TMEM245: variants seen among roughly 807,000 people sequenced by gnomAD.
The protein encoded by TMEM245 is transmembrane protein 245, also known as protein CG-2.
TMEM245 carries 69 observed loss-of-function variants against 101.2 expected under a neutral mutation model. The observed-to-expected ratio is 0.68, with a 90% CI of 0.56 to 0.83. TMEM245 has a LOEUF of 0.83. Ranked by LOEUF, TMEM245 falls within the 40% of genes least tolerant of loss-of-function variation. TMEM245 has a pLI of 0.00. For missense variants in TMEM245, 1,075 were observed against 1,092.8 expected (o/e 0.98, Z 0.23); for synonymous variants, 537 against 449.8 (o/e 1.19, Z -2.45).
chr9:109,092,385 G>T (rs1433059396), intron 4 of TMEM245, among the ~76,000 whole-genome samples: 1 of 152,182 alleles, frequency 6.6e-6, no homozygotes, highest in Non-Finnish European at 1.5e-5. Flanking sequence ...GAGATCACTT[G>T]CACCCTGGTA....
intron 9 of TMEM245, among the ~76,000 whole-genome samples, chr9:109,072,976 T>C (rs1448650715): frequency 6.6e-6 from 1 of 152,236 alleles, no homozygotes; most frequent in East Asian, 1.9e-4. Context: ...GCGGAATTAT[T>C]ATCTCAAGTT....
At chr9:109,041,824 T>G (rs1268217723) in intron 14 of TMEM245, among the ~76,000 whole-genome samples, 1 of 152,050 alleles carries the variant, frequency 6.6e-6, no homozygotes. Context: ...TATAAATATA[T>G]AGCATTCATT....
At position 109,015,786 on chromosome 9, in the gene TMEM245, A is replaced by AG. The variant is rs1827423472; in HGVS notation, c.*4673_*4674insC. On this transcript the variant is annotated 3_prime_UTR_variant, in exon 18 of 18. Transcript: ENST00000374586. ...ATTGTCTGTCTCACAGGGCTGTTAC[A>AG]AAAGGTGTCTGAAAACTATAAAGTG... 1 of 152,506 alleles carries AG rather than the reference A, an allele frequency of 6.6e-6. No individual in the cohort carries two copies. Among genetic ancestry groups the AG allele is most frequent in the Non-Finnish European group, 1.5e-5 (1 of 68,032 alleles). The allele number at this position is 152,506 out of a possible 1,614,324, so 9.4% of individuals were successfully genotyped here.
At chr9:109,059,942 T>A (rs1469788270) in intron 11 of TMEM245, among the ~76,000 whole-genome samples, 1 of 151,962 alleles carries the variant, frequency 6.6e-6, no homozygotes. Context: ...CTTATTAAAT[T>A]TTTTCTAATG....
intron 3 of TMEM245, among the ~76,000 whole-genome samples, chr9:109,104,804 T>C (rs1439686464): frequency 2.0e-5 from 3 of 152,292 alleles, no homozygotes; most frequent in East Asian, 3.9e-4. Flanking sequence ...GAACTGAATA[T>C]ACACAGGCAA....
intron 11 of TMEM245, 109 bp from the exon 12 acceptor site, chr9:109,057,431 C>G: frequency 7.8e-7 from 1 of 1,274,594 alleles, no homozygotes; most frequent in South Asian, 1.5e-5. Flanking sequence ...AGTAAGTACT[C>G]CAAGGAAAAG....
chr9:109,058,088 C>T (rs1828898829), intron 11 of TMEM245, among the ~76,000 whole-genome samples: 1 of 151,142 alleles, frequency 6.6e-6, no homozygotes, highest in African/African-American at 2.4e-5. Context: ...GCAAACTCCG[C>T]CTCCCAGGTT....
intron 11 of TMEM245, 68 bp downstream of exon 11, chr9:109,060,286 T>A: frequency 8.9e-7 from 1 of 1,117,730 alleles, no homozygotes; most frequent in East Asian, 2.4e-5. Flanking sequence ...TATAATCCTA[T>A]CTAGTTGATG....
At chr9:109,074,218 A>C (rs1588053401) in intron 8 of TMEM245, among the ~76,000 whole-genome samples, 3 of 152,216 alleles carry the variant, frequency 2.0e-5, no homozygotes, top group African/African-American at 7.2e-5. Context: ...CTCTGAATTT[A>C]CCTTGCCCAA....
At chr9:109,108,315 A>G (rs1189598514) in intron 2 of TMEM245, 138 bp downstream of exon 2, 1 of 436,970 alleles carries the variant, frequency 2.3e-6, no homozygotes, top group Non-Finnish European at 4.0e-6. Context: ...GAAAGATTAA[A>G]GCATAACATT....
At chr9:109,057,925 C>CTTTTTTTTT (rs35332085) in intron 11 of TMEM245, among the ~76,000 whole-genome samples, 6 of 112,748 alleles carry the variant, frequency 5.3e-5, no homozygotes, top group Admixed American at 1.0e-4. Flanking sequence ...CATTTACTTT[C>CTTTTTTTTT]TTTTTTTTTT....
rs1480069039 is a variant in TMEM245, at chr9:109,018,521, TAA to T, written c.*1937_*1938del. 1 of 152,132 alleles carries T rather than the reference TAA, an allele frequency of 6.6e-6. No individual in the cohort carries two copies. Among genetic ancestry groups the T allele is most frequent in the Non-Finnish European group, 1.5e-5 (1 of 68,016 alleles). The allele number at this position is 152,132 out of a possible 1,614,324, so 9.4% of individuals were successfully genotyped here. On this transcript the variant is annotated 3_prime_UTR_variant, in exon 18 of 18. Coordinates refer to ENST00000374586, the MANE Select transcript of TMEM245 (RefSeq NM_032012.4). Reference sequence around the variant, plus strand: ...ATCGCTAAAATATTCATAATAGAAATAAAGAGATCTGTATGCAGTCTACTCCA... The same window carrying T: ...ATCGCTAAAATATTCATAATAGAAATAGAGATCTGTATGCAGTCTACTCCA...
In TMEM245 at chr9:109,047,437, A is replaced by G. The variant is rs928784507; in HGVS notation, c.2123+2846T>C. On this transcript the variant is annotated intron_variant, in intron 14 of 17. Transcript: ENST00000374586. Reference sequence around the variant, plus strand: ...ATGCCACCCTCTTATGTCCACAAATATAAGTCATGATCTTCCCTAACCAGC... The same window carrying G: ...ATGCCACCCTCTTATGTCCACAAATGTAAGTCATGATCTTCCCTAACCAGC... Among the ~76,000 whole-genome samples, 16 of 152,324 alleles carry G rather than the reference A, an allele frequency of 1.1e-4. No homozygotes were observed. The East Asian group carries it at 2.5e-3, about 24-fold the overall frequency.
At chr9:109,107,505 C>T (rs1830460907) in intron 2 of TMEM245, among the ~76,000 whole-genome samples, 1 of 152,052 alleles carries the variant, frequency 6.6e-6, no homozygotes, top group Non-Finnish European at 1.5e-5. Flanking sequence ...TGCCTGCCTG[C>T]CTCCCTCCTC....
intron 9 of TMEM245, among the ~76,000 whole-genome samples, chr9:109,068,093 C>T (rs185587991): frequency 3.6e-4 from 55 of 152,262 alleles, no homozygotes; most frequent in Admixed American, 3.5e-3. Context: ...CTTGGCCGGA[C>T]GCGGTCACTC....
At chr9:109,082,003 A>G (rs1222029837) in intron 7 of TMEM245, among the ~76,000 whole-genome samples, 1 of 152,212 alleles carries the variant, frequency 6.6e-6, no homozygotes, top group Non-Finnish European at 1.5e-5. Flanking sequence ...GAAACACCAC[A>G]ATGCACTGCT....
intron 15 of TMEM245, among the ~76,000 whole-genome samples, chr9:109,037,175 A>C (rs933072426): frequency 2.0e-5 from 3 of 152,184 alleles, no homozygotes; most frequent in Non-Finnish European, 4.4e-5. Context: ...AAAGTAGAAG[A>C]AGCACCACAA....
intron 8 of TMEM245, 77 bp from the exon 9 acceptor site, chr9:109,073,515 A>G: frequency 8.8e-7 from 1 of 1,134,326 alleles, no homozygotes; most frequent in African/African-American, 1.5e-5. Flanking sequence ...CTACTCTATT[A>G]TTGGAACAAT....
chr9:109,021,287 C>G (rs1167316171), intron 17 of TMEM245, among the ~76,000 whole-genome samples: 3 of 152,156 alleles, frequency 2.0e-5, no homozygotes, highest in Non-Finnish European at 4.4e-5. Context: ...TGAACATGAG[C>G]TCAAGCACCC....
Sources: gnomAD v4.1 joint callset for allele counts (sites outside exome capture counted in the v4.1 genomes callset) on GRCh38, gnomAD v4.1.1 for gene constraint, MANE v1.5 for transcripts, NCBI Gene and HGNC (gene_info 2026-07-23, HGNC 2026-07-21) for gene names.